The following SVBP variants were observed in gnomAD, a reference collection of about 807,000 sequenced individuals.
The protein encoded by SVBP is small vasohibin-binding protein.
In SVBP, 9 loss-of-function variants were observed where a neutral mutation model predicts 9.2. The ratio of observed to expected loss-of-function variants is 0.98; its 90% CI spans 0.59 to 1.71. The LOEUF is 1.71. Ranked by LOEUF, SVBP falls within the 40% of genes most tolerant of loss-of-function variation. SVBP has a pLI of 0.00. For synonymous variants in SVBP, 27 were observed against 23.9 expected, an observed-to-expected ratio of 1.13 and a Z score of -0.37; for missense variants, 63 against 73.2, an observed-to-expected ratio of 0.86 and a Z score of 0.51.
chr1:42,817,225 G>A lies in SVBP; in HGVS notation c.-72C>T, dbSNP rs1270347903. 4.8e-6 allele frequency: 6 copies of A among 1,255,582 alleles called. No individual in the cohort carries two copies. The African/African-American group carries it at 4.8e-5, about 10-fold the overall frequency. The allele number at this position is 1,255,582 out of a possible 1,614,324, so 77.8% of individuals were successfully genotyped here. The stretch of plus-strand genomic sequence containing the variant: ...CGGGCCACTGGAAGTTGGAGCCTCC[G>A]CCGAGTCGCAGACAACGCCTCCGGG... On this transcript the variant is annotated 5_prime_UTR_variant, in exon 1 of 3. Transcript: ENST00000372521.
intron 2 of SVBP, among the ~76,000 whole-genome samples, chr1:42,813,081 A>G (rs1265026697): frequency 3.3e-5 from 5 of 152,234 alleles, no homozygotes; most frequent in Non-Finnish European, 5.9e-5. Context: ...TGTCTTTTAA[A>G]TAACGCAGAA....
intron 2 of SVBP, among the ~76,000 whole-genome samples, chr1:42,814,297 C>T (rs1432895618): frequency 6.6e-6 from 1 of 151,732 alleles, no homozygotes; most frequent in Non-Finnish European, 1.5e-5. Context: ...AGGATGGTCT[C>T]AATCTCTTGA....
In SVBP at chr1:42,807,282, G is replaced by T. The variant is rs1045427753; in HGVS notation, c.*132C>A. The T allele has an allele frequency of 1.9e-5, 11 of 574,132 alleles. No individual in the cohort carries two copies. The highest frequency in any genetic ancestry group is 3.1e-5 in the Non-Finnish European group (10 of 318,412). The allele number at this position is 574,132 out of a possible 1,614,324, so 35.6% of individuals were successfully genotyped here. A position where few individuals can be genotyped will look rare whatever the true frequency, so the allele number is the denominator to read the frequency against. ...CAGTGAAGTTAGAAGTTACACACAG[G>T]AAGTGAGTTCAGATTTATCCACAAA... On this transcript the variant is annotated 3_prime_UTR_variant, in exon 3 of 3. Coordinates refer to ENST00000372521, the MANE Select transcript of SVBP (RefSeq NM_199342.4).
chr1:42,810,107 CACACACACATACATACAT>C (rs1403904505), intron 2 of SVBP, among the ~76,000 whole-genome samples: 2 of 141,984 alleles, frequency 1.4e-5, no homozygotes, highest in Non-Finnish European at 3.0e-5. Context: ...CACACACACA[CACACACACATACATACAT>C]ACACACACAC....
intron 1 of SVBP, 162 bp downstream of exon 1, chr1:42,817,028 G>GGCCCCATAGCCAGCCGGGCCC (rs1654234205): frequency 5.4e-6 from 2 of 369,116 alleles, no homozygotes; most frequent in African/African-American, 4.5e-5. Context: ...CAGGGGGCCG[G>GGCCCCATAGCCAGCCGGGCCC]GCCCCATAGC....
chr1:42,817,374 G>C lies in SVBP; in HGVS notation c.-221C>G, dbSNP rs920272276. 2 of 560,566 alleles carry C rather than the reference G, an allele frequency of 3.6e-6. No individual in the cohort carries two copies. Among genetic ancestry groups the C allele is most frequent in the Non-Finnish European group, 4.7e-6 (2 of 421,426 alleles). 34.7% of individuals were successfully genotyped at this position (560,566 alleles called of 1,614,324 possible). ...GCCGAGCGCCAGGAGGCTTCCGCCCGCAGGAGCGGCCGCGCGTGCGCAGAG... is the reference window on the plus strand; with the variant it reads ...GCCGAGCGCCAGGAGGCTTCCGCCCCCAGGAGCGGCCGCGCGTGCGCAGAG... On this transcript the variant is annotated 5_prime_UTR_variant, in exon 1 of 3. Coordinates refer to ENST00000372521, the MANE Select transcript of SVBP (RefSeq NM_199342.4).
At chr1:42,812,333 C>G (rs935260464) in intron 2 of SVBP, among the ~76,000 whole-genome samples, 2 of 152,310 alleles carry the variant, frequency 1.3e-5, no homozygotes, top group East Asian at 3.9e-4. Context: ...CCATGCAGAG[C>G]GAGGACTTCC....
chr1:42,812,252 T>G (rs1464750453), intron 2 of SVBP, among the ~76,000 whole-genome samples: 1 of 152,190 alleles, frequency 6.6e-6, no homozygotes, highest in Non-Finnish European at 1.5e-5. Context: ...CAAATGAAAG[T>G]GCAAATTTGT....
At chr1:42,813,413 GC>G in intron 2 of SVBP, 1 of 563,440 alleles carries the variant, frequency 1.8e-6, no homozygotes, top group Admixed American at 2.0e-5. Context: ...TGAGCCAGGG[GC>G]CCAAGCGTTC....
intron 2 of SVBP, among the ~76,000 whole-genome samples, chr1:42,814,169 T>C (rs2124251822): frequency 6.7e-6 from 1 of 149,842 alleles, no homozygotes; most frequent in Non-Finnish European, 1.5e-5. Context: ...GCAACCTCCG[T>C]CTCCTGGGTT....
At position 42,816,466 on chromosome 1, in the gene SVBP, C is replaced by A. The variant is rs750809370; in HGVS notation, c.79G>T (p.Ala27Ser). 1 of 1,614,072 alleles carries A rather than the reference C, an allele frequency of 6.2e-7. No homozygotes were observed. The highest frequency in any genetic ancestry group is 1.7e-5 in the Admixed American group (1 of 60,002). ...SRVEKAKQKS[A>S]QQELKQRQRA... Reference sequence around the variant, plus strand: ...TGTCTCTGCTTCAGCTCCTGCTGGGCTGATTTCTGTTTGGCCTTCTCAACT... The same window carrying A: ...TGTCTCTGCTTCAGCTCCTGCTGGGATGATTTCTGTTTGGCCTTCTCAACT... Residue 27 changes from alanine to serine, a missense_variant, in exon 2 of 3, where the codon GCC (alanine) becomes TCC (serine). Physicochemically the swap from Ala to Ser is moderately conservative, Grantham distance 99 (BLOSUM62 1). Coordinates refer to ENST00000372521, the MANE Select transcript of SVBP (RefSeq NM_199342.4).
At position 42,807,198 on chromosome 1, in the gene SVBP, C is replaced by A; in HGVS notation, c.*216G>T. On this transcript the variant is annotated 3_prime_UTR_variant, in exon 3 of 3. Transcript: ENST00000372521. ...AAAACCCAAAAAACAAAACCACTGT[C>A]TTAGAAGAAGAAAACAAGTCTCTTC... 5 of 316,824 alleles carry A rather than the reference C, an allele frequency of 1.6e-5. No individual in the cohort carries two copies. The highest frequency in any genetic ancestry group is 2.8e-5 in the Non-Finnish European group (5 of 177,060). 19.6% of individuals were successfully genotyped at this position (316,824 alleles called of 1,614,324 possible). A position where few individuals can be genotyped will look rare whatever the true frequency, so the allele number is the denominator to read the frequency against.
In SVBP at chr1:42,808,905, C is replaced by G. The variant is rs1654023910; in HGVS notation, c.115-1405G>C. On this transcript the variant is annotated intron_variant, in intron 2 of 2. Coordinates refer to ENST00000372521, the MANE Select transcript of SVBP (RefSeq NM_199342.4). ...AGAGACAAGGTTTCACCATGTTGGC[C>G]AGACTGGTCTCCAACTCCTGGCCTC... 2 of 152,128 alleles carry G rather than the reference C, an allele frequency of 1.3e-5. 1 individual carries two copies. Among genetic ancestry groups the G allele is most frequent in the African/African-American group, 4.8e-5 (2 of 41,406 alleles). The allele number at this position is 152,128 out of a possible 1,614,324, so 9.4% of individuals were successfully genotyped here. A position where few individuals can be genotyped will look rare whatever the true frequency, so the allele number is the denominator to read the frequency against.
At chr1:42,817,091 C>A (rs2124260672) in intron 1 of SVBP, 99 bp downstream of exon 1, 2 of 870,094 alleles carry the variant, frequency 2.3e-6, no homozygotes, top group Non-Finnish European at 2.8e-6. Flanking sequence ...CCGGCCCGCC[C>A]GGCCCCAGGG....
At chr1:42,815,402 C>CAA (rs60301880) in intron 2 of SVBP, among the ~76,000 whole-genome samples, 34 of 142,314 alleles carry the variant, frequency 2.4e-4, no homozygotes, top group East Asian at 9.9e-4. Context: ...GACTCCATCT[C>CAA]AAAAAAAAAA....
rs1653973213 is a variant in SVBP at position 42,807,095 on chromosome 1, G to T, written c.*319C>A. Reference sequence around the variant, plus strand: ...TATTTGTATTTTTGGAGAAGATATAGAGTTTCATGAGAAACACTGATTTTT... The same window carrying T: ...TATTTGTATTTTTGGAGAAGATATATAGTTTCATGAGAAACACTGATTTTT... On this transcript the variant is annotated 3_prime_UTR_variant, in exon 3 of 3. Transcript: ENST00000372521. The T allele has an allele frequency of 4.9e-6, 1 of 202,548 alleles. No individual in the cohort carries two copies. Among genetic ancestry groups the T allele is most frequent in the African/African-American group, 2.3e-5 (1 of 42,932 alleles). The allele number at this position is 202,548 out of a possible 1,614,324, so 12.5% of individuals were successfully genotyped here. A position where few individuals can be genotyped will look rare whatever the true frequency, so the allele number is the denominator to read the frequency against.
At position 42,817,314 on chromosome 1, in the gene SVBP, T is replaced by A; in HGVS notation, c.-161A>T. 8.7e-7 allele frequency: 1 copy of A among 1,145,936 alleles called. No individual in the cohort carries two copies. Among genetic ancestry groups the A allele is most frequent in the Non-Finnish European group, 1.1e-6 (1 of 891,960 alleles). The allele number at this position is 1,145,936 out of a possible 1,614,324, so 71.0% of individuals were successfully genotyped here. A position where few individuals can be genotyped will look rare whatever the true frequency, so the allele number is the denominator to read the frequency against. On this transcript the variant is annotated 5_prime_UTR_variant, in exon 1 of 3. Coordinates refer to ENST00000372521, the MANE Select transcript of SVBP (RefSeq NM_199342.4). ...GCTGCCTGCCCACCGCCCCTCGTCC[T>A]GGGCGGGGCCGCGCGCCGGGGGGAG...
At chr1:42,813,518 A>C (rs774175471) in intron 2 of SVBP, 17 of 536,216 alleles carry the variant, frequency 3.2e-5, no homozygotes, top group South Asian at 2.4e-4. Flanking sequence ...CCAATGGGTA[A>C]ATTTATAATT....
rs894120397 is a variant in SVBP, at chr1:42,817,182, G to C, written c.-37+8C>G. 1.7e-5 allele frequency: 21 copies of C among 1,247,864 alleles called. No individual in the cohort carries two copies. In the Admixed American group the frequency reaches 5.5e-4, roughly 32 times the overall value. 77.3% of individuals were successfully genotyped at this position (1,247,864 alleles called of 1,614,324 possible). A position where few individuals can be genotyped will look rare whatever the true frequency, so the allele number is the denominator to read the frequency against. On this transcript the variant is annotated splice_region_variant and intron_variant, in intron 1 of 2. Coordinates refer to ENST00000372521, the MANE Select transcript of SVBP (RefSeq NM_199342.4). The stretch of plus-strand genomic sequence containing the variant: ...GAGCCGCCGACCAAGAGGCTTGGGA[G>C]TCTGTACCTTTCCCGACCGGGCCAC...
Sources: gnomAD v4.1 joint callset for allele counts (sites outside exome capture counted in the v4.1 genomes callset) on GRCh38, gnomAD v4.1.1 for gene constraint, MANE v1.5 for transcripts, NCBI Gene and HGNC (gene_info 2026-07-23, HGNC 2026-07-21) for gene names.